Variants in PTPRG observed in about 807,000 individuals in gnomAD.
PTPRG encodes protein tyrosine phosphatase receptor type G.
PTPRG carries 102 observed loss-of-function variants against 165.3 expected under a neutral mutation model. The observed-to-expected ratio is 0.62, with a 90% confidence interval of 0.53 to 0.73. The LOEUF is 0.73. Among genes scored for constraint, PTPRG ranks in the 30% least tolerant of loss-of-function variants. The pLI is 0.00. For synonymous variants in PTPRG, 675 were observed against 669.5 expected, an observed-to-expected ratio of 1.01 and a Z score of -0.13; for missense variants, 1,866 against 1,861.4, an observed-to-expected ratio of 1.00 and a Z score of -0.05.
chr3:61,825,070 C>T (rs530173738), intron 2 of PTPRG, among the ~76,000 whole-genome samples: 91 of 152,244 alleles, frequency 6.0e-4, no homozygotes, highest in South Asian at 2.1e-3. Context: ...TGTCTTTTAA[C>T]CCTGACTCCT....
At chr3:61,961,169 C>A (rs1482770531) in intron 2 of PTPRG, among the ~76,000 whole-genome samples, 3 of 152,096 alleles carry the variant, frequency 2.0e-5, no homozygotes, top group Admixed American at 2.0e-4. Flanking sequence ...ACTGATGTTA[C>A]CTGGAAGGAG....
intron 1 of PTPRG, among the ~76,000 whole-genome samples, chr3:61,662,865 C>T (rs760378965): frequency 2.0e-5 from 3 of 152,186 alleles, no homozygotes; most frequent in Non-Finnish European, 2.9e-5. Context: ...ATATGTCTGT[C>T]GGTCTGCGGA....
At chr3:61,625,666 G>A (rs1327269066) in intron 1 of PTPRG, among the ~76,000 whole-genome samples, 1 of 152,124 alleles carries the variant, frequency 6.6e-6, no homozygotes, top group Non-Finnish European at 1.5e-5. Context: ...TGCTCTCGAT[G>A]AATTTACTGG....
chr3:61,928,988 G>A (rs1205880176), intron 2 of PTPRG, among the ~76,000 whole-genome samples: 1 of 152,192 alleles, frequency 6.6e-6, no homozygotes, highest in Admixed American at 6.5e-5. Flanking sequence ...AGTCTAGCGA[G>A]TAGAGGCCGG....
chr3:61,572,306 T>C (rs909135195), intron 1 of PTPRG, among the ~76,000 whole-genome samples: 6 of 152,164 alleles, frequency 3.9e-5, no homozygotes, highest in Non-Finnish European at 5.9e-5. Flanking sequence ...AAAAAAAATA[T>C]GGAGATTTGC....
intron 1 of PTPRG, among the ~76,000 whole-genome samples, chr3:61,574,029 C>CT (rs750431381): frequency 0.017 from 2,482 of 144,802 alleles, 45 homozygotes; most frequent in African/African-American, 0.053. Flanking sequence ...GGTAGTAAAC[C>CT]TTTTTTTTTT....
At chr3:61,635,189 A>G (rs1701874645) in intron 1 of PTPRG, among the ~76,000 whole-genome samples, 1 of 152,098 alleles carries the variant, frequency 6.6e-6, no homozygotes, top group African/African-American at 2.4e-5. Context: ...TTCTATTCTT[A>G]ATGTTAAAAT....
chr3:61,706,821 A>G (rs1427661688), intron 1 of PTPRG, among the ~76,000 whole-genome samples: 4 of 151,994 alleles, frequency 2.6e-5, no homozygotes, highest in Non-Finnish European at 4.4e-5. Flanking sequence ...TTTAACTAGA[A>G]AGCAATATAT....
rs55955359 is a variant in PTPRG at position 62,092,439 on chromosome 3, GAA to G, written c.615+14200_615+14201del. ...TGGGCAACAGAGCAAGAGTCCATCTGAAAAAAAAAAAAAAAAAAAAGAAAAAG... is the reference window on the plus strand; with the variant it reads ...TGGGCAACAGAGCAAGAGTCCATCTGAAAAAAAAAAAAAAAAAAGAAAAAG... On this transcript the variant is annotated intron_variant, in intron 5 of 29. Transcript: ENST00000474889. Among the ~76,000 whole-genome samples, 747 of 89,402 alleles carry G rather than the reference GAA, an allele frequency of 8.4e-3. 7 individuals carry two copies. The highest frequency in any genetic ancestry group is 0.032 in the African/African-American group (626 of 19,864). The allele number at this position is 89,402 out of a possible 152,430, so 58.7% of individuals were successfully genotyped here.
chr3:61,932,456 C>A (rs1255092487), intron 2 of PTPRG, among the ~76,000 whole-genome samples: 1 of 152,192 alleles, frequency 6.6e-6, no homozygotes, highest in African/African-American at 2.4e-5. Flanking sequence ...TTATAAGCTT[C>A]CCCACATGAG....
At chr3:61,579,169 C>G (rs1559510254) in intron 1 of PTPRG, among the ~76,000 whole-genome samples, 1 of 152,162 alleles carries the variant, frequency 6.6e-6, no homozygotes, top group Non-Finnish European at 1.5e-5. Context: ...TCCTTCAGAC[C>G]TTTCTGTTCA....
intron 2 of PTPRG, among the ~76,000 whole-genome samples, chr3:61,761,818 T>C (rs909638092): frequency 8.5e-5 from 13 of 152,212 alleles, no homozygotes; most frequent in African/African-American, 3.1e-4. Flanking sequence ...GCATGAAATT[T>C]TGCTGCTCCC....
intron 2 of PTPRG, among the ~76,000 whole-genome samples, chr3:61,790,984 C>T (rs1407133626): frequency 2.0e-5 from 3 of 152,148 alleles, no homozygotes; most frequent in Admixed American, 2.0e-4. Context: ...AATTATCAGT[C>T]AGCACCTCCT....
At chr3:61,888,372 C>T (rs912163288) in intron 2 of PTPRG, among the ~76,000 whole-genome samples, 5 of 150,960 alleles carry the variant, frequency 3.3e-5, no homozygotes, top group South Asian at 2.1e-4. Flanking sequence ...CTTCCTCTGT[C>T]GCCCAGGCTG....
intron 1 of PTPRG, among the ~76,000 whole-genome samples, chr3:61,637,669 C>T (rs541702637): frequency 6.6e-5 from 10 of 152,224 alleles, no homozygotes; most frequent in South Asian, 2.1e-4. Flanking sequence ...AGGAGTCCAC[C>T]GGGGTTGCGT....
rs116293514 is a variant in PTPRG at position 61,877,647 on chromosome 3, C to T, written c.191-111978C>T. Reference sequence around the variant, plus strand: ...CTTACTTGCACATCGGAAACATGCTCATGGGATGTTAACGTGTTTGCATGC... The same window carrying T: ...CTTACTTGCACATCGGAAACATGCTTATGGGATGTTAACGTGTTTGCATGC... On this transcript the variant is annotated intron_variant, in intron 2 of 29. Transcript: ENST00000474889. Among the ~76,000 whole-genome samples the T allele has an allele frequency of 9.5e-3, 1,453 of 152,296 alleles. 14 individuals are homozygous for T. The highest frequency in any genetic ancestry group is 0.015 in the Non-Finnish European group (1,009 of 68,032).
chr3:61,829,040 G>A (rs527646584), intron 2 of PTPRG, among the ~76,000 whole-genome samples: 2 of 152,310 alleles, frequency 1.3e-5, no homozygotes, highest in African/African-American at 2.4e-5. Context: ...AGCACGTGGT[G>A]TGTATGTGTG....
chr3:61,998,457 G>A (rs2107712508), intron 3 of PTPRG, among the ~76,000 whole-genome samples: 1 of 152,332 alleles, frequency 6.6e-6, no homozygotes, highest in African/African-American at 2.4e-5. Flanking sequence ...AACCTGTGAA[G>A]TAGCTGCTAT....
At chr3:62,268,704 T>A (rs188205876) in intron 19 of PTPRG, among the ~76,000 whole-genome samples, 10 of 152,236 alleles carry the variant, frequency 6.6e-5, no homozygotes, top group African/African-American at 2.2e-4. Flanking sequence ...TAACAAACCT[T>A]ACCCACATTT....
Sources: allele counts gnomAD v4.1 joint callset (sites outside exome capture counted in the v4.1 genomes callset), GRCh38; gene constraint gnomAD v4.1.1; transcripts MANE v1.5; gene names NCBI Gene and HGNC (gene_info 2026-07-23, HGNC 2026-07-21).